Variants in EFNA5 observed in about 807,000 individuals in gnomAD.
EFNA5 encodes ephrin-A5.
A neutral mutation model predicts 22.9 loss-of-function variants in EFNA5; 5 were observed. That is an observed-to-expected ratio of 0.22 (90% CI 0.11 to 0.46). EFNA5 has a LOEUF of 0.46. Ranked by LOEUF, EFNA5 falls within the 20% of genes least tolerant of loss-of-function variation. EFNA5 has a pLI of 0.99. For missense variants in EFNA5, 237 were observed against 293.3 expected (o/e 0.81, Z 1.40); for synonymous variants, 113 against 112.2 (o/e 1.01, Z -0.04).
chr5:107,589,687 A>G (rs551069307), intron 1 of EFNA5, among the ~76,000 whole-genome samples: 16 of 152,266 alleles, frequency 1.1e-4, no homozygotes, highest in African/African-American at 3.9e-4. Flanking sequence ...TATCATCATC[A>G]TAAGAAAGAA....
At chr5:107,536,699 A>G (rs1219886098) in intron 1 of EFNA5, among the ~76,000 whole-genome samples, 1 of 152,200 alleles carries the variant, frequency 6.6e-6, no homozygotes, top group African/African-American at 2.4e-5. Context: ...GCCTGCCAAC[A>G]TGGCAATCAA....
chr5:107,569,042 T>A (rs456032), intron 1 of EFNA5, among the ~76,000 whole-genome samples: 45,371 of 151,838 alleles, frequency 0.3, 7,017 homozygotes, highest in African/African-American at 0.33. Context: ...GAGCTTTTAA[T>A]AAACACATGC....
At chr5:107,447,411 TTAAG>T (rs1257649450) in intron 1 of EFNA5, among the ~76,000 whole-genome samples, 1 of 152,224 alleles carries the variant, frequency 6.6e-6, no homozygotes, top group Non-Finnish European at 1.5e-5. Flanking sequence ...CCCTTGTTAA[TTAAG>T]TAATTCATTC....
chr5:107,592,014 TA>T (rs1410217885), intron 1 of EFNA5, among the ~76,000 whole-genome samples: 7 of 43,172 alleles, frequency 1.6e-4, no homozygotes, highest in African/African-American at 8.9e-4. Flanking sequence ...ATAATATATA[TA>T]ATATAATATA....
At chr5:107,390,536 C>A (rs540655854) in intron 2 of EFNA5, among the ~76,000 whole-genome samples, 8 of 152,140 alleles carry the variant, frequency 5.3e-5, no homozygotes, top group Non-Finnish European at 1.0e-4. Context: ...ATAGATAGAG[C>A]TGAGGATGGA....
At chr5:107,488,523 C>T (rs1291909447) in intron 1 of EFNA5, among the ~76,000 whole-genome samples, 1 of 152,062 alleles carries the variant, frequency 6.6e-6, no homozygotes, top group Non-Finnish European at 1.5e-5. Flanking sequence ...TTTAAAACTC[C>T]AGCTGTCAGC....
rs368183877 is a variant in EFNA5 at position 107,635,240 on chromosome 5, G to A, written c.125+35249C>T. Among the ~76,000 whole-genome samples the A allele has an allele frequency of 4.6e-5, 7 of 152,262 alleles. No individual in the cohort carries two copies. In the South Asian group the frequency reaches 1.0e-3, roughly 23 times the overall value. Reference sequence around the variant, plus strand: ...GCCAAAGTCAATAAATCATGATGCCGGGTTTTTACTTTAATGTATAACTGC... The same window carrying A: ...GCCAAAGTCAATAAATCATGATGCCAGGTTTTTACTTTAATGTATAACTGC... On this transcript the variant is annotated intron_variant, in intron 1 of 4. Coordinates refer to ENST00000333274, the MANE Select transcript of EFNA5 (RefSeq NM_001962.3).
intron 1 of EFNA5, among the ~76,000 whole-genome samples, chr5:107,572,904 A>G (rs1404256574): frequency 6.6e-6 from 1 of 152,112 alleles, no homozygotes; most frequent in African/African-American, 2.4e-5. Flanking sequence ...GGTGCATTCA[A>G]TGTCTTTGGC....
chr5:107,480,557 C>T (rs570825008), intron 1 of EFNA5, among the ~76,000 whole-genome samples: 1 of 152,320 alleles, frequency 6.6e-6, no homozygotes, highest in South Asian at 2.1e-4. Flanking sequence ...ACTAAAGACA[C>T]AGGCACTGTC....
chr5:107,640,170 T>C (rs1383074333), intron 1 of EFNA5, among the ~76,000 whole-genome samples: 2 of 152,166 alleles, frequency 1.3e-5, no homozygotes, highest in Non-Finnish European at 2.9e-5. Context: ...ACACACTGGG[T>C]AACGGAAACT....
chr5:107,432,498 C>T (rs1284649280), intron 1 of EFNA5, among the ~76,000 whole-genome samples: 1 of 152,138 alleles, frequency 6.6e-6, no homozygotes, highest in Non-Finnish European at 1.5e-5. Context: ...TCTGAGATCA[C>T]CACATAATTT....
chr5:107,435,824 A>C (rs2112430298), intron 1 of EFNA5, among the ~76,000 whole-genome samples: 1 of 152,346 alleles, frequency 6.6e-6, no homozygotes, highest in South Asian at 2.1e-4. Flanking sequence ...CATTAATGAA[A>C]GTTCCAACAG....
At chr5:107,443,109 G>A (rs1414587610) in intron 1 of EFNA5, among the ~76,000 whole-genome samples, 1 of 152,070 alleles carries the variant, frequency 6.6e-6, no homozygotes, top group Non-Finnish European at 1.5e-5. Context: ...AAACCATTAG[G>A]GGCATTGCTT....
intron 1 of EFNA5, among the ~76,000 whole-genome samples, chr5:107,628,901 G>A (rs1750190715): frequency 6.6e-6 from 1 of 151,980 alleles, no homozygotes; most frequent in East Asian, 1.9e-4. Flanking sequence ...AAGAAAGGAT[G>A]GACAAACTAT....
intron 1 of EFNA5, among the ~76,000 whole-genome samples, chr5:107,610,578 T>C (rs1163154074): frequency 1.3e-5 from 2 of 152,234 alleles, no homozygotes; most frequent in Admixed American, 6.5e-5. Flanking sequence ...ACTGTCATGC[T>C]ATCATTGAAT....
intron 1 of EFNA5, among the ~76,000 whole-genome samples, chr5:107,652,042 C>T (rs1390189943): frequency 6.6e-6 from 1 of 152,054 alleles, no homozygotes; most frequent in African/African-American, 2.4e-5. Flanking sequence ...TATCTCTGTA[C>T]CATCCTCTCA....
At chr5:107,557,973 A>G (rs1159569824) in intron 1 of EFNA5, among the ~76,000 whole-genome samples, 1 of 152,220 alleles carries the variant, frequency 6.6e-6, no homozygotes, top group Non-Finnish European at 1.5e-5. Flanking sequence ...ATATGATAGT[A>G]TCTACCCCCA....
chr5:107,656,745 A>G (rs1750833813), intron 1 of EFNA5, among the ~76,000 whole-genome samples: 1 of 152,090 alleles, frequency 6.6e-6, no homozygotes, highest in African/African-American at 2.4e-5. Flanking sequence ...TGAGGGAGAT[A>G]TTTTTATTAT....
chr5:107,669,289 T>C (rs1205571428), intron 1 of EFNA5, among the ~76,000 whole-genome samples: 2 of 151,308 alleles, frequency 1.3e-5, no homozygotes. Flanking sequence ...GCCTCCCGCC[T>C]CTCTCTTCCC....
Sources: allele counts gnomAD v4.1 joint callset (sites outside exome capture counted in the v4.1 genomes callset), GRCh38; gene constraint gnomAD v4.1.1; transcripts MANE v1.5; gene names NCBI Gene and HGNC (gene_info 2026-07-23, HGNC 2026-07-21).